Variants in KCNN2 observed in about 807,000 individuals in gnomAD.
KCNN2 encodes potassium calcium-activated channel subfamily N member 2.
In KCNN2, 24 loss-of-function variants were observed where a neutral mutation model predicts 55.5. That is an observed-to-expected ratio of 0.43 (90% CI 0.31 to 0.61). KCNN2 has a LOEUF of 0.61. Among genes scored for constraint, KCNN2 ranks in the 20% least tolerant of loss-of-function variants. The pLI is 0.08. For synonymous variants in KCNN2, 431 were observed against 336.1 expected (o/e 1.28, Z -3.09); for missense variants, 754 against 853.6 (o/e 0.88, Z 1.45).
chr5:114,409,060 A>C (rs1225973205), intron 3 of KCNN2, among the ~76,000 whole-genome samples: 1 of 152,212 alleles, frequency 6.6e-6, no homozygotes, highest in Non-Finnish European at 1.5e-5. Context: ...GGATTGGGAC[A>C]CTGGGATTTA....
At chr5:114,488,704 G>A (rs1181340538) in intron 6 of KCNN2, among the ~76,000 whole-genome samples, 1 of 152,004 alleles carries the variant, frequency 6.6e-6, no homozygotes, top group Non-Finnish European at 1.5e-5. Context: ...CTTCCTCAAG[G>A]CACTCACCTC....
At chr5:114,315,457 GTGTGTGTGTATA>G (rs57416849) in intron 2 of KCNN2, among the ~76,000 whole-genome samples, 3,679 of 94,560 alleles carry the variant, frequency 0.039, 111 homozygotes, top group East Asian at 0.15. Flanking sequence ...GTGTGTGTGT[GTGTGTGTGTATA>G]TATATATAAA....
intron 1 of KCNN2, among the ~76,000 whole-genome samples, chr5:114,092,495 T>C (rs10036430): frequency 0.011 from 1,670 of 152,276 alleles, 46 homozygotes; most frequent in African/African-American, 0.038. Flanking sequence ...TGGAGGACAG[T>C]GGCCCTCTTC....
chr5:114,069,109 C>T (rs1348558570), intron 1 of KCNN2, among the ~76,000 whole-genome samples: 1 of 152,180 alleles, frequency 6.6e-6, no homozygotes, highest in African/African-American at 2.4e-5. Flanking sequence ...GCCACCGCAC[C>T]CTGCCAATTG....
chr5:114,158,181 T>C (rs1352663963), intron 1 of KCNN2, among the ~76,000 whole-genome samples: 1 of 152,146 alleles, frequency 6.6e-6, no homozygotes, highest in Non-Finnish European at 1.5e-5. Flanking sequence ...AATTTTTGTA[T>C]AAGGTGTAAG....
chr5:114,283,848 C>T (rs1457533210), intron 2 of KCNN2, among the ~76,000 whole-genome samples: 2 of 152,164 alleles, frequency 1.3e-5, no homozygotes, highest in Admixed American at 6.5e-5. Context: ...AACTCCTGAG[C>T]GTCCCTACCA....
chr5:114,227,691 GA>G (rs1381538230), intron 2 of KCNN2, among the ~76,000 whole-genome samples: 1 of 151,940 alleles, frequency 6.6e-6, no homozygotes, highest in Non-Finnish European at 1.5e-5. Context: ...TTTGAAATCA[GA>G]AAAAAAGTAT....
intron 2 of KCNN2, among the ~76,000 whole-genome samples, chr5:114,396,492 G>T (rs1336442338): frequency 6.6e-6 from 1 of 151,916 alleles, no homozygotes; most frequent in South Asian, 2.1e-4. Flanking sequence ...TGTGTGTCGG[G>T]GGGTTTGGAT....
At chr5:114,100,435 A>G (rs1268288697) in intron 1 of KCNN2, among the ~76,000 whole-genome samples, 1 of 152,112 alleles carries the variant, frequency 6.6e-6, no homozygotes, top group Non-Finnish European at 1.5e-5. Flanking sequence ...TTTGAGTATT[A>G]TAGGATTAAT....
At chr5:114,447,791 G>C (rs1760479674) in intron 3 of KCNN2, among the ~76,000 whole-genome samples, 1 of 152,220 alleles carries the variant, frequency 6.6e-6, no homozygotes, top group Admixed American at 6.5e-5. Flanking sequence ...TTGATGAGCT[G>C]AGTATGTACC....
chr5:114,158,185 G>A (rs1277712673), intron 1 of KCNN2, among the ~76,000 whole-genome samples: 2 of 152,108 alleles, frequency 1.3e-5, no homozygotes, highest in African/African-American at 2.4e-5. Flanking sequence ...TTTGTATAAG[G>A]TGTAAGGAAG....
chr5:114,358,526 CTGAG>C (rs1193578376), upstream of KCNN2, among the ~76,000 whole-genome samples: 1 of 152,168 alleles, frequency 6.6e-6, no homozygotes, highest in Non-Finnish European at 1.5e-5. Flanking sequence ...CATTTTGTGG[CTGAG>C]TATGACCTCT....
chr5:114,228,424 C>T (rs1235296316), intron 2 of KCNN2, among the ~76,000 whole-genome samples: 1 of 151,956 alleles, frequency 6.6e-6, no homozygotes, highest in Non-Finnish European at 1.5e-5. Context: ...ATATTGTCAA[C>T]CAAACAGATT....
chr5:114,476,619 C>T (rs1407553493), intron 5 of KCNN2, among the ~76,000 whole-genome samples: 2 of 152,042 alleles, frequency 1.3e-5, no homozygotes, highest in African/African-American at 2.4e-5. Context: ...GGGGGTTTCT[C>T]CATGTTGGTC....
rs1452487427 is a variant in KCNN2, at chr5:114,362,801, G to A, written c.662G>A (p.Gly221Asp). Residue 221 changes from glycine to aspartate, a missense_variant, in exon 1 of 8, where the codon GGC becomes GAC. Coordinates refer to ENST00000673685, the MANE Select transcript of KCNN2 (RefSeq NM_021614.4). Reference protein sequence around the residue: ...IAMSSCRYNGGVMRPLSNLSA... With the variant: ...IAMSSCRYNGDVMRPLSNLSA... The stretch of plus-strand genomic sequence containing the variant: ...ATGAGCAGCTGCAGGTACAACGGGG[G>A]CGTCATGCGGCCGCTCAGCAACTTG... The A allele has an allele frequency of 6.3e-7, 1 of 1,596,656 alleles. No homozygotes were observed. Among genetic ancestry groups the A allele is most frequent in the Non-Finnish European group, 8.5e-7 (1 of 1,176,862 alleles).
intron 2 of KCNN2, among the ~76,000 whole-genome samples, chr5:114,382,732 T>G (rs907680814): frequency 6.6e-6 from 1 of 152,182 alleles, no homozygotes; most frequent in Admixed American, 6.5e-5. Context: ...AAATAAACTT[T>G]CTACCAAAAA....
intron 3 of KCNN2, among the ~76,000 whole-genome samples, chr5:114,406,012 A>AT (rs1758921603): frequency 6.6e-6 from 1 of 151,358 alleles, no homozygotes; most frequent in South Asian, 2.1e-4. Flanking sequence ...ACCAGGCCGA[A>AT]TATTTTTTTT....
intron 2 of KCNN2, among the ~76,000 whole-genome samples, chr5:114,318,162 T>C (rs763164481): frequency 4.6e-5 from 7 of 152,238 alleles, no homozygotes; most frequent in Non-Finnish European, 8.8e-5. Flanking sequence ...TTCTACTTTC[T>C]GGAGATGCTT....
intron 1 of KCNN2, among the ~76,000 whole-genome samples, chr5:114,209,238 T>C (rs1753831642): frequency 1.3e-5 from 2 of 151,972 alleles, no homozygotes; most frequent in African/African-American, 2.4e-5. Flanking sequence ...ATTTTTGCCT[T>C]TTAAGACTCT....
Sources: allele counts gnomAD v4.1 joint callset (sites outside exome capture counted in the v4.1 genomes callset), GRCh38; gene constraint gnomAD v4.1.1; transcripts MANE v1.5; gene names NCBI Gene and HGNC (gene_info 2026-07-23, HGNC 2026-07-21).